DTD1: variants seen among roughly 807,000 people sequenced by gnomAD.
The protein encoded by DTD1 is D-tyrosyl-tRNA deacylase 1 homolog.
A neutral mutation model predicts 25.6 loss-of-function variants in DTD1; 13 were observed. The observed-to-expected ratio is 0.51, with a 90% CI of 0.33 to 0.81. The LOEUF is 0.81. DTD1 is among the 30% of genes least tolerant of loss of function. DTD1 has a pLI of 0.02. For synonymous variants in DTD1, 110 were observed against 103.6 expected, an observed-to-expected ratio of 1.06 and a Z score of -0.37; for missense variants, 193 against 266.4, an observed-to-expected ratio of 0.72 and a Z score of 1.92.
chr20:18,593,986 A>C (rs2060600552), intron 2 of DTD1, among the ~76,000 whole-genome samples, 165 bp downstream of exon 2: 2 of 152,162 alleles, frequency 1.3e-5, no homozygotes, highest in Admixed American at 1.3e-4. Flanking sequence ...AGACCGAGGA[A>C]GAATGATTTA....
chr20:18,625,979 T>A (rs538857976), intron 3 of DTD1, among the ~76,000 whole-genome samples: 1 of 152,336 alleles, frequency 6.6e-6, no homozygotes, highest in African/African-American at 2.4e-5. Context: ...GTGGGCTTGC[T>A]CCCAGCCAGG....
rs117390619 is a variant in DTD1 at position 18,744,713 on chromosome 20, C to T, written c.*19+442C>T. On this transcript the variant is annotated intron_variant, in intron 5 of 5. Transcript: ENST00000377452. Reference sequence around the variant, plus strand: ...CAGCTCTTGTGAGACTTGTTCACTACCAAGAGAACAGTATGGGGGAAACTG... The same window carrying T: ...CAGCTCTTGTGAGACTTGTTCACTATCAAGAGAACAGTATGGGGGAAACTG... Among the ~76,000 whole-genome samples the T allele has an allele frequency of 9.5e-3, 1,442 of 151,284 alleles. 15 individuals are homozygous for T. Among genetic ancestry groups the T allele is most frequent in the Non-Finnish European group, 0.015 (1,007 of 67,860 alleles).
At chr20:18,761,642 G>A (rs1007027701) in intron 5 of DTD1, among the ~76,000 whole-genome samples, 3 of 152,142 alleles carry the variant, frequency 2.0e-5, no homozygotes, top group Non-Finnish European at 4.4e-5. Context: ...TGAAGTAAAT[G>A]TAAAAGAAAA....
chr20:18,670,852 C>A (rs567455027), intron 4 of DTD1, among the ~76,000 whole-genome samples: 2 of 152,316 alleles, frequency 1.3e-5, no homozygotes, highest in South Asian at 4.1e-4. Flanking sequence ...ATCAGTATCA[C>A]CTATTAACAG....
At chr20:18,665,172 C>T (rs1429507182) in intron 4 of DTD1, among the ~76,000 whole-genome samples, 1 of 152,080 alleles carries the variant, frequency 6.6e-6, no homozygotes, top group Non-Finnish European at 1.5e-5. Flanking sequence ...GTAGTGTGGG[C>T]CATCACTGAG....
At chr20:18,742,569 C>T (rs2061282682) in intron 4 of DTD1, among the ~76,000 whole-genome samples, 1 of 152,154 alleles carries the variant, frequency 6.6e-6, no homozygotes, top group Non-Finnish European at 1.5e-5. Context: ...AGGTTGCAGG[C>T]TTCTTATGAG....
intron 4 of DTD1, among the ~76,000 whole-genome samples, chr20:18,729,072 C>T (rs948698663): frequency 2.0e-5 from 3 of 152,158 alleles, no homozygotes; most frequent in East Asian, 1.9e-4. Context: ...GGTGCAGTCA[C>T]GGCTCACTGC....
intron 3 of DTD1, among the ~76,000 whole-genome samples, chr20:18,623,681 C>T (rs1474063666): frequency 6.6e-6 from 1 of 152,148 alleles, no homozygotes; most frequent in Non-Finnish European, 1.5e-5. Context: ...CATCTTTCAT[C>T]TGAATTTTTG....
At chr20:18,620,810 C>A (rs1344540704) in intron 3 of DTD1, among the ~76,000 whole-genome samples, 1 of 152,078 alleles carries the variant, frequency 6.6e-6, no homozygotes, top group Non-Finnish European at 1.5e-5. Flanking sequence ...CCAGGCTGGT[C>A]TGGAACTCCT....
At chr20:18,632,663 GA>G in intron 4 of DTD1, 1 of 983,178 alleles carries the variant, frequency 1.0e-6, no homozygotes. Flanking sequence ...TTACATTAAA[GA>G]AAAATGGTTC....
intron 4 of DTD1, among the ~76,000 whole-genome samples, chr20:18,708,290 TA>T (rs2061141435): frequency 1.7e-5 from 1 of 59,172 alleles, no homozygotes; most frequent in Non-Finnish European, 3.1e-5. Context: ...ATATATTATA[TA>T]TATATAATAT....
intron 3 of DTD1, among the ~76,000 whole-genome samples, chr20:18,616,178 C>T (rs2060708209): frequency 6.6e-6 from 1 of 152,188 alleles, no homozygotes; most frequent in African/African-American, 2.4e-5. Flanking sequence ...AAAAGTTTGA[C>T]ACAGATGTCC....
At chr20:18,667,529 G>A (rs966509708) in intron 4 of DTD1, among the ~76,000 whole-genome samples, 2 of 152,092 alleles carry the variant, frequency 1.3e-5, no homozygotes, top group African/African-American at 4.8e-5. Flanking sequence ...AAAGAAGGAT[G>A]GCACATGAGA....
chr20:18,732,043 C>A (rs1313751647), intron 4 of DTD1, among the ~76,000 whole-genome samples: 1 of 152,190 alleles, frequency 6.6e-6, no homozygotes, highest in African/African-American at 2.4e-5. Context: ...CACCTTTCTC[C>A]CAGGTCATGT....
chr20:18,631,352 G>A (rs776092677), intron 4 of DTD1: 1 of 985,498 alleles, frequency 1.0e-6, no homozygotes, highest in Non-Finnish European at 1.2e-6. Context: ...GATGGGGCCT[G>A]TGTGACTGCT....
chr20:18,740,206 C>T (rs554780585), intron 4 of DTD1, among the ~76,000 whole-genome samples: 1 of 151,758 alleles, frequency 6.6e-6, no homozygotes, highest in Non-Finnish European at 1.5e-5. Flanking sequence ...TAAAAGAGTA[C>T]AAAGTGAAGA....
At chr20:18,717,516 G>A (rs913264488) in intron 4 of DTD1, among the ~76,000 whole-genome samples, 2 of 152,204 alleles carry the variant, frequency 1.3e-5, no homozygotes, top group Admixed American at 6.5e-5. Flanking sequence ...TAGTAAATTC[G>A]TGACATACCT....
chr20:18,591,581 T>G (rs2060589810), intron 1 of DTD1, among the ~76,000 whole-genome samples: 1 of 152,198 alleles, frequency 6.6e-6, no homozygotes, highest in African/African-American at 2.4e-5. Flanking sequence ...AGATACAATA[T>G]TAAAAGGAAA....
chr20:18,632,516 T>A, intron 4 of DTD1: 1 of 985,464 alleles, frequency 1.0e-6, no homozygotes, highest in Non-Finnish European at 1.2e-6. Context: ...CTAATTTGCT[T>A]GCTTTTGTGT....
Sources: gnomAD v4.1 joint callset for allele counts (sites outside exome capture counted in the v4.1 genomes callset) on GRCh38, gnomAD v4.1.1 for gene constraint, MANE v1.5 for transcripts, NCBI Gene and HGNC (gene_info 2026-07-23, HGNC 2026-07-21) for gene names.